Variants in PFKP observed in about 807,000 individuals in gnomAD.
PFKP encodes ATP-dependent 6-phosphofructokinase, platelet type.
PFKP carries 101 observed loss-of-function variants against 94.3 expected under a neutral mutation model. The ratio of observed to expected loss-of-function variants is 1.07; its 90% CI spans 0.91 to 1.26. PFKP has a LOEUF of 1.26. Among genes scored for constraint, PFKP ranks in the 50% most tolerant of loss-of-function variants. The pLI, the probability that PFKP is intolerant of heterozygous loss-of-function variation, is 0.00. For synonymous variants in PFKP, 573 were observed against 432.6 expected, an observed-to-expected ratio of 1.32 and a Z score of -4.03; for missense variants, 1,145 against 1,103.3, an observed-to-expected ratio of 1.04 and a Z score of -0.53.
At chr10:3,088,591 C>T (rs1245384684) in intron 2 of PFKP, among the ~76,000 whole-genome samples, 1 of 152,146 alleles carries the variant, frequency 6.6e-6, no homozygotes, top group East Asian at 1.9e-4. Flanking sequence ...CGTGCACTCC[C>T]AAGGGCCCAG....
At chr10:3,105,054 T>C in intron 5 of PFKP, 61 bp from the exon 6 acceptor site, 1 of 1,494,058 alleles carries the variant, frequency 6.7e-7, no homozygotes. Flanking sequence ...ACTGAGTGGG[T>C]GCTCCCTCTG....
chr10:3,120,402 G>T (rs1210201903), intron 16 of PFKP, among the ~76,000 whole-genome samples: 4 of 145,440 alleles, frequency 2.8e-5, no homozygotes, highest in Non-Finnish European at 6.0e-5. Flanking sequence ...TGTGTGTGCT[G>T]AGCCTAAATT....
intron 16 of PFKP, chr10:3,125,054 A>G (rs758526910): frequency 1.1e-5 from 13 of 1,175,744 alleles, no homozygotes; most frequent in Non-Finnish European, 1.3e-5. Flanking sequence ...CTGGCAGGTG[A>G]GCACCCGGCA....
At position 3,118,823 on chromosome 10, in the gene PFKP, T is replaced by C. The variant is rs759495943; in HGVS notation, c.1484T>C (p.Met495Thr). ...TACTTGGAAGAGATCGCCACACAGA[T>C]GCGCACGCACAGCATCAACGCGCTG... ...GKYLEEIATQ[M>T]RTHSINALLI... The change falls in exon 15 of 22, where the codon ATG becomes ACG. Residue 495 changes from methionine (M) to threonine (T), a missense_variant. Coordinates refer to ENST00000381125, the MANE Select transcript of PFKP (RefSeq NM_002627.5). The C allele has an allele frequency of 3.1e-6, 5 of 1,613,836 alleles. No homozygotes were observed. The highest frequency in any genetic ancestry group is 1.7e-5 in the Admixed American group (1 of 59,966).
chr10:3,125,232 C>T, intron 16 of PFKP: 1 of 1,328,962 alleles, frequency 7.5e-7, no homozygotes, highest in Non-Finnish European at 9.9e-7. Flanking sequence ...CGACACTGGC[C>T]TGAATGCTGT....
intron 7 of PFKP, among the ~76,000 whole-genome samples, chr10:3,106,197 G>C (rs1393907343): frequency 1.3e-5 from 2 of 151,640 alleles, no homozygotes; most frequent in Non-Finnish European, 2.9e-5. Context: ...AAACTCTGGA[G>C]GGAGGCAGAA....
chr10:3,126,805 C>A (rs1202958995), intron 16 of PFKP, among the ~76,000 whole-genome samples: 1 of 152,280 alleles, frequency 6.6e-6, no homozygotes, highest in Admixed American at 6.5e-5. Flanking sequence ...GGGGCTCTCG[C>A]TCCCATGGGA....
chr10:3,126,217 A>AG (rs1165883856), intron 16 of PFKP, among the ~76,000 whole-genome samples: 2 of 152,194 alleles, frequency 1.3e-5, no homozygotes, highest in Non-Finnish European at 2.9e-5. Context: ...AGGAGCCATG[A>AG]GGTCGGCTGC....
In PFKP at chr10:3,108,746, G is replaced by A. The variant is rs142802088; in HGVS notation, c.916G>A (p.Gly306Arg). The A allele has an allele frequency of 6.8e-6, 11 of 1,613,838 alleles. No individual in the cohort carries two copies. Among genetic ancestry groups the A allele is most frequent in the Non-Finnish European group, 6.8e-6 (8 of 1,179,926 alleles). ...CTATGACACACGTGTGACCATCCTCGGGCACGTGCAGAGAGGAGGGACCCC... is the reference window on the plus strand; with the variant it reads ...CTATGACACACGTGTGACCATCCTCAGGCACGTGCAGAGAGGAGGGACCCC... ...LGYDTRVTIL[G>R]HVQRGGTPSA... The change falls in exon 9 of 22, where the codon GGG becomes AGG. Residue 306 changes from glycine (G) to arginine (R), a missense_variant. Around this residue, in one of 3 missense-constraint regions of PFKP, gnomAD observed 1,119 missense variants for 1,062.8 expected, o/e 1.05. Coordinates refer to ENST00000381125, the MANE Select transcript of PFKP (RefSeq NM_002627.5).
chr10:3,101,620 G>C (rs1281144327), intron 4 of PFKP, 66 bp downstream of exon 4: 1 of 1,187,136 alleles, frequency 8.4e-7, no homozygotes, highest in Non-Finnish European at 1.2e-6. Context: ...GGAACCGACA[G>C]GTTTCCCTCT....
At chr10:3,114,528 T>C (rs1836597378) in intron 13 of PFKP, among the ~76,000 whole-genome samples, 1 of 152,226 alleles carries the variant, frequency 6.6e-6, no homozygotes, top group Non-Finnish European at 1.5e-5. Flanking sequence ...CCGTGGAGAC[T>C]GCGTTTATAG....
At chr10:3,101,281 C>T in intron 3 of PFKP, 84 bp from the exon 4 acceptor site, 1 of 1,106,918 alleles carries the variant, frequency 9.0e-7, no homozygotes, top group Non-Finnish European at 1.3e-6. Flanking sequence ...TCTAGCACCC[C>T]ATGTTTATAG....
chr10:3,120,656 A>T (rs967016585), intron 16 of PFKP, among the ~76,000 whole-genome samples: 2 of 152,070 alleles, frequency 1.3e-5, no homozygotes, highest in Admixed American at 6.6e-5. Context: ...ACATAGAAAT[A>T]TATTCTTCTT....
intron 17 of PFKP, among the ~76,000 whole-genome samples, chr10:3,131,273 TG>T (rs1451045063): frequency 6.6e-6 from 1 of 152,180 alleles, no homozygotes; most frequent in African/African-American, 2.4e-5. Flanking sequence ...CTCTGCCTCC[TG>T]GGTTTGTGTG....
intron 1 of PFKP, chr10:3,069,447 G>A: frequency 6.7e-7 from 1 of 1,494,038 alleles, no homozygotes; most frequent in South Asian, 1.2e-5. Flanking sequence ...CTCAGTCAAA[G>A]GCCTTCAGAA....
intron 8 of PFKP, chr10:3,107,779 C>T: frequency 8.4e-7 from 1 of 1,196,960 alleles, no homozygotes; most frequent in Non-Finnish European, 1.1e-6. Context: ...GTGGCCCTGC[C>T]TGGGAACAGG....
intron 4 of PFKP, among the ~76,000 whole-genome samples, chr10:3,102,718 G>A (rs945052590): frequency 1.1e-4 from 16 of 152,292 alleles, no homozygotes; most frequent in African/African-American, 2.4e-4. Flanking sequence ...CCCTTGAAGC[G>A]GTTATGTAAT....
At chr10:3,098,871 A>T (rs78941456) in intron 2 of PFKP, among the ~76,000 whole-genome samples, 5,484 of 152,266 alleles carry the variant, frequency 0.036, 264 homozygotes, top group African/African-American at 0.11. Context: ...GGAGCCCCTG[A>T]CAAAATGCTC....
intron 1 of PFKP, among the ~76,000 whole-genome samples, chr10:3,073,950 G>A (rs1832391731): frequency 6.6e-6 from 1 of 152,094 alleles, no homozygotes; most frequent in African/African-American, 2.4e-5. Flanking sequence ...CGATTTTCCT[G>A]TCCCAGCCTC....
Sources: gnomAD v4.1 joint callset for allele counts (sites outside exome capture counted in the v4.1 genomes callset) on GRCh38, gnomAD v4.1.1 for gene constraint, gnomAD v4.1.1 regional missense constraint, MANE v1.5 for transcripts, NCBI Gene and HGNC (gene_info 2026-07-23, HGNC 2026-07-21) for gene names.